The following KAZN variants were observed in gnomAD, a reference collection of about 807,000 sequenced individuals.
KAZN encodes kazrin.
In KAZN, 40 loss-of-function variants were observed where a neutral mutation model predicts 87.4. That is an observed-to-expected ratio of 0.46 (90% CI 0.36 to 0.60). The LOEUF is 0.60. Ranked by LOEUF, KAZN falls within the 20% of genes least tolerant of loss-of-function variation. The pLI is 0.00. For missense variants in KAZN, 898 were observed against 1,073.9 expected (o/e 0.84, Z 2.29); for synonymous variants, 466 against 458.3 (o/e 1.02, Z -0.22).
chr1:15,104,986 C>T (rs1269247846), intron 13 of KAZN, among the ~76,000 whole-genome samples: 1 of 152,190 alleles, frequency 6.6e-6, no homozygotes, highest in Non-Finnish European at 1.5e-5. Context: ...ATATGTCAAA[C>T]CAACCTTGCA....
At chr1:14,346,595 A>G (rs1420894534) in intron 2 of KAZN, among the ~76,000 whole-genome samples, 1 of 152,106 alleles carries the variant, frequency 6.6e-6, no homozygotes, top group Non-Finnish European at 1.5e-5. Flanking sequence ...TCCCCTCTGT[A>G]TCAGTAAGAT....
chr1:14,718,018 C>CT (rs1642891616), intron 1 of KAZN, among the ~76,000 whole-genome samples: 3 of 152,224 alleles, frequency 2.0e-5, no homozygotes, highest in Non-Finnish European at 4.4e-5. Flanking sequence ...AGCCTGGCCT[C>CT]TATCACCTGT....
chr1:14,153,949 T>A (rs1336812078), intron 1 of KAZN, among the ~76,000 whole-genome samples: 1 of 152,074 alleles, frequency 6.6e-6, no homozygotes, highest in Non-Finnish European at 1.5e-5. Flanking sequence ...ATTCCTCCAG[T>A]TTTGTTCTTT....
chr1:14,324,866 AG>A (rs1286391581), intron 2 of KAZN, among the ~76,000 whole-genome samples: 4 of 152,246 alleles, frequency 2.6e-5, no homozygotes, highest in African/African-American at 7.2e-5. Context: ...TATCAAAACT[AG>A]GTAACCTTAT....
rs1662970703 is a variant in KAZN at position 14,955,407 on chromosome 1, A to T, written c.227-5277A>T. Among the ~76,000 whole-genome samples the T allele has an allele frequency of 2.0e-5, 3 of 152,282 alleles. No individual in the cohort carries two copies. The South Asian group carries it at 6.2e-4, about 32-fold the overall frequency. ...GTGAATTGAGAGGCTGTGCTCTTGG[A>T]GCTTAGGCTGAGATTGCAGTACCAG... On this transcript the variant is annotated intron_variant, in intron 1 of 14. Coordinates refer to ENST00000376030, the MANE Select transcript of KAZN (RefSeq NM_201628.3).
intron 1 of KAZN, among the ~76,000 whole-genome samples, chr1:13,951,664 TAA>T (rs1641350135): frequency 1.1e-5 from 1 of 92,828 alleles, no homozygotes. Flanking sequence ...ATAATAATAA[TAA>T]TAATATCTGC....
intron 1 of KAZN, among the ~76,000 whole-genome samples, chr1:14,677,776 G>C (rs949863559): frequency 1.3e-5 from 2 of 152,314 alleles, no homozygotes; most frequent in Non-Finnish European, 2.9e-5. Flanking sequence ...AGAATAGCCA[G>C]GGTCTGCACC....
At chr1:14,091,477 A>G (rs1261848029) in intron 1 of KAZN, among the ~76,000 whole-genome samples, 1 of 152,080 alleles carries the variant, frequency 6.6e-6, no homozygotes, top group East Asian at 1.9e-4. Context: ...TAGCCTTAGG[A>G]AGGTAAATTT....
intron 2 of KAZN, among the ~76,000 whole-genome samples, chr1:14,496,726 A>C (rs1669961972): frequency 6.6e-6 from 1 of 152,172 alleles, no homozygotes; most frequent in Non-Finnish European, 1.5e-5. Flanking sequence ...AGTCACACTG[A>C]AGCATCTTTT....
chr1:14,536,651 G>A (rs1672520307), intron 2 of KAZN, among the ~76,000 whole-genome samples: 1 of 152,176 alleles, frequency 6.6e-6, no homozygotes, highest in African/African-American at 2.4e-5. Context: ...GGAGGCTGAG[G>A]TGGGTGGACA....
At chr1:14,514,148 G>C (rs1398720900) in intron 2 of KAZN, among the ~76,000 whole-genome samples, 3 of 145,132 alleles carry the variant, frequency 2.1e-5, no homozygotes, top group Non-Finnish European at 3.0e-5. Flanking sequence ...GTGAAACCCC[G>C]TCTCTACTAA....
intron 2 of KAZN, among the ~76,000 whole-genome samples, chr1:14,433,800 C>T (rs1234978955): frequency 1.3e-5 from 2 of 152,200 alleles, no homozygotes; most frequent in Admixed American, 6.5e-5. Context: ...GCGGAGGTTG[C>T]AGTGATCAGA....
intron 2 of KAZN, among the ~76,000 whole-genome samples, chr1:14,381,318 T>C (rs192529871): frequency 2.9e-4 from 44 of 152,026 alleles, no homozygotes; most frequent in African/African-American, 1.0e-3. Flanking sequence ...CATGAGCCAT[T>C]CTAAACTCAT....
chr1:13,972,258 T>C (rs1224987640), intron 1 of KAZN, among the ~76,000 whole-genome samples: 1 of 148,520 alleles, frequency 6.7e-6, no homozygotes, highest in Admixed American at 6.7e-5. Flanking sequence ...CCACCCTACT[T>C]TTTTTCTTTT....
In KAZN at chr1:14,598,706, G is replaced by T; in HGVS notation, c.-292G>T. ...TGTCCTTCTTGGAGCAGCTCTCGGCGCCCGCCCGCCGGGGTCTCGGCGATC... is the reference window on the plus strand; with the variant it reads ...TGTCCTTCTTGGAGCAGCTCTCGGCTCCCGCCCGCCGGGGTCTCGGCGATC... On this transcript the variant is annotated 5_prime_UTR_variant, in exon 1 of 15. Coordinates refer to ENST00000376030, the MANE Select transcript of KAZN (RefSeq NM_201628.3). The surrounding 1 kb of genome is among the most constrained non-coding windows in gnomAD (Gnocchi z 4.2). 2 of 1,313,420 alleles carry T rather than the reference G, an allele frequency of 1.5e-6. No homozygotes were observed. Among genetic ancestry groups the T allele is most frequent in the Middle Eastern group, 2.8e-4 (1 of 3,514 alleles). The allele number at this position is 1,313,420 out of a possible 1,614,324, so 81.4% of individuals were successfully genotyped here. A position where few individuals can be genotyped will look rare whatever the true frequency, so the allele number is the denominator to read the frequency against.
intron 2 of KAZN, among the ~76,000 whole-genome samples, chr1:14,579,609 A>T (rs943335808): frequency 1.3e-5 from 2 of 151,722 alleles, no homozygotes; most frequent in African/African-American, 4.8e-5. Context: ...TGGGCAACAC[A>T]GCGAGACTCC....
At chr1:14,794,258 T>A (rs1163523751) in intron 1 of KAZN, among the ~76,000 whole-genome samples, 1 of 151,922 alleles carries the variant, frequency 6.6e-6, no homozygotes, top group African/African-American at 2.4e-5. Flanking sequence ...CCCGACAGAG[T>A]TAGGACGCAA....
intron 1 of KAZN, among the ~76,000 whole-genome samples, chr1:14,702,203 A>G (rs1641960672): frequency 1.3e-5 from 2 of 152,182 alleles, no homozygotes; most frequent in Admixed American, 1.3e-4. Context: ...TGCTGTTTTG[A>G]AAAGGCCCCA....
intron 1 of KAZN, among the ~76,000 whole-genome samples, chr1:13,986,208 T>A (rs1639005813): frequency 6.6e-6 from 1 of 152,240 alleles, no homozygotes; most frequent in Non-Finnish European, 1.5e-5. Flanking sequence ...GATGTCAAAA[T>A]TTGATCACGA....
Sources: gnomAD v4.1 joint callset for allele counts (sites outside exome capture counted in the v4.1 genomes callset) on GRCh38, gnomAD v4.1.1 for gene constraint, Gnocchi (gnomAD v3.1) non-coding constraint, MANE v1.5 for transcripts, NCBI Gene and HGNC (gene_info 2026-07-23, HGNC 2026-07-21) for gene names.